The following BCL9L variants were observed in gnomAD, a reference collection of about 807,000 sequenced individuals.
The protein encoded by BCL9L is B-cell CLL/lymphoma 9-like protein.
A neutral mutation model predicts 99.4 loss-of-function variants in BCL9L; 19 were observed. That is an observed-to-expected ratio of 0.19 (90% CI 0.13 to 0.28). The LOEUF is 0.28. BCL9L is among the 10% of genes least tolerant of loss of function. BCL9L has a pLI of 1.00. For missense variants in BCL9L, 2,023 were observed against 2,101.6 expected (o/e 0.96, Z 0.73); for synonymous variants, 900 against 854.8 (o/e 1.05, Z -0.92).
chr11:118,899,810 C>T (rs1296065611), intron 9 of BCL9L, 107 bp downstream of exon 9: 1 of 1,433,452 alleles, frequency 7.0e-7, no homozygotes, highest in South Asian at 1.4e-5. Flanking sequence ...CACCCCCACA[C>T]CCAGGGCCTT....
Position 118,898,373 on chromosome 11 carries a change from G to T in BCL9L, c.*42C>A. 1.3e-6 allele frequency: 2 copies of T among 1,528,574 alleles called. No homozygotes were observed. The highest frequency in any genetic ancestry group is 1.8e-6 in the Non-Finnish European group (2 of 1,129,042). 94.7% of individuals were successfully genotyped at this position (1,528,574 alleles called of 1,614,324 possible). On this transcript the variant is annotated 3_prime_UTR_variant, in exon 10 of 10. Coordinates refer to ENST00000683865, the MANE Select transcript of BCL9L (RefSeq NM_001378213.1). ...GGGGAAGAACTTTGTTAAGGTTATC[G>T]TATTTGCAACATTGCCCCGGCTCCA...
In BCL9L at chr11:118,900,809, G is replaced by A. The variant is rs2137686780; in HGVS notation, c.2934C>T (p.Val978=). 1.9e-6 allele frequency: 3 copies of A among 1,613,932 alleles called. No individual in the cohort carries two copies. The East Asian group carries it at 6.7e-5, about 36-fold the overall frequency. Residue 978 remains valine (V), a synonymous_variant, in exon 8 of 10, where the codon GTC becomes GTT. Coordinates refer to ENST00000683865, the MANE Select transcript of BCL9L (RefSeq NM_001378213.1). The surrounding 1 kb of genome is among the most constrained non-coding windows in gnomAD (Gnocchi z 5.3). ...NPPGPLKSPQ[V]LGSSLSVRSP... The stretch of plus-strand genomic sequence containing the variant: ...AACGGACACTGAGGGAGGAGCCGAG[G>A]ACCTGGGGCGACTTGAGAGGTCCTG...
Position 118,902,429 on chromosome 11 carries a change from C to G in BCL9L, c.1314G>C (p.Ala438=), listed in dbSNP as rs372114071. The change falls in exon 8 of 10, where the codon GCG becomes GCC. Residue 438 remains alanine, a synonymous_variant. Coordinates refer to ENST00000683865, the MANE Select transcript of BCL9L (RefSeq NM_001378213.1). The surrounding 1 kb of genome is among the most constrained non-coding windows in gnomAD (Gnocchi z 7.8). ...CTTGTGCTGGTGGGCCCCCCTCACC[C>G]GCTCCTCCTGGGGGCCCCTTGAGGA... ...EPFLKGPPGG[A]GEGGPPAQAP... is the part of the protein sequence containing the mutation. 6.3e-7 allele frequency: 1 copy of G among 1,589,648 alleles called. No individual in the cohort carries two copies. The highest frequency in any genetic ancestry group is 8.6e-7 in the Non-Finnish European group (1 of 1,168,968).
intron 2 of BCL9L, among the ~76,000 whole-genome samples, chr11:118,918,034 G>A (rs1941018983): frequency 1.3e-5 from 2 of 152,300 alleles, no homozygotes; most frequent in South Asian, 4.1e-4. Flanking sequence ...TAGAGAGCAG[G>A]ACCACTTCCT....
Position 118,902,138 on chromosome 11 carries a change from C to T in BCL9L, c.1605G>A (p.Glu535=). 3 of 1,614,146 alleles carry T rather than the reference C, an allele frequency of 1.9e-6. No homozygotes were observed. The highest frequency in any genetic ancestry group is 2.5e-6 in the Non-Finnish European group (3 of 1,180,026). Residue 535 remains glutamate (E), a synonymous_variant, in exon 8 of 10, where the codon GAG becomes GAA. Coordinates refer to ENST00000683865, the MANE Select transcript of BCL9L (RefSeq NM_001378213.1). The surrounding 1 kb of genome is among the most constrained non-coding windows in gnomAD (Gnocchi z 7.8). ...GGCTCCCATGCAGCCCAATCTGTTC[C>T]TCTTTCCGCCGTTTCTCTTCGTAGT... ...EEYYEEKRRK[E]EQIGLHGSRP... is the part of the protein sequence containing the mutation.
At chr11:118,916,400 A>G (rs1189849949) in intron 2 of BCL9L, among the ~76,000 whole-genome samples, 1 of 151,288 alleles carries the variant, frequency 6.6e-6, no homozygotes, top group African/African-American at 2.4e-5. Flanking sequence ...CCTGCCGCCC[A>G]CTCCTGGGCT....
chr11:118,916,042 G>A (rs1222690000), intron 2 of BCL9L, among the ~76,000 whole-genome samples: 1 of 152,180 alleles, frequency 6.6e-6, no homozygotes, highest in Non-Finnish European at 1.5e-5. Context: ...GCCCCAGCCC[G>A]ATCCCAAAAA....
chr11:118,918,134 G>A (rs1344888297), intron 2 of BCL9L, among the ~76,000 whole-genome samples: 2 of 152,234 alleles, frequency 1.3e-5, no homozygotes, highest in African/African-American at 4.8e-5. Flanking sequence ...TGGTCTAGGA[G>A]AAGTGCCTCC....
At chr11:118,910,900 G>A (rs964421145) in intron 2 of BCL9L, 1 of 213,150 alleles carries the variant, frequency 4.7e-6, no homozygotes, top group Non-Finnish European at 9.8e-6. Flanking sequence ...GACAAGACAC[G>A]CACGGAGCCC....
In BCL9L at chr11:118,901,689, T is replaced by C; in HGVS notation, c.2054A>G (p.Glu685Gly). 1 of 1,613,730 alleles carries C rather than the reference T, an allele frequency of 6.2e-7. No individual in the cohort carries two copies. The highest frequency in any genetic ancestry group is 1.1e-5 in the South Asian group (1 of 91,072). ...GCGCTGCATGCCCATCGACCGCTTC[T>C]CCAGCAGCTGGTGCCGCAGCAGCTC... ...REELLRHQLL[E>G]KRSMGMQRPL... Residue 685 changes from glutamate (E) to glycine (G), a missense_variant, in exon 8 of 10, where the codon GAG (glutamate) becomes GGG (glycine). Coordinates refer to ENST00000683865, the MANE Select transcript of BCL9L (RefSeq NM_001378213.1). This position sits in a 1 kb window ranked among gnomAD's most constrained non-coding sequence, Gnocchi z 6.6.
intron 1 of BCL9L, among the ~76,000 whole-genome samples, chr11:118,923,115 C>T (rs555820500): frequency 6.6e-6 from 1 of 152,246 alleles, no homozygotes; most frequent in East Asian, 1.9e-4. Context: ...TGGCTCCCTC[C>T]ACTCCTGCCC....
intron 1 of BCL9L, among the ~76,000 whole-genome samples, chr11:118,920,828 A>T (rs1395225940): frequency 6.6e-6 from 1 of 152,166 alleles, no homozygotes; most frequent in Non-Finnish European, 1.5e-5. Flanking sequence ...GAACTGCCAG[A>T]AGCCTTGGCC....
chr11:118,923,296 C>G (rs974165906), intron 1 of BCL9L, among the ~76,000 whole-genome samples: 1 of 152,304 alleles, frequency 6.6e-6, no homozygotes, highest in East Asian at 1.9e-4. Flanking sequence ...GACACTGCCA[C>G]CCCCTAGGCC....
chr11:118,923,233 G>A (rs973589671), intron 1 of BCL9L, among the ~76,000 whole-genome samples: 4 of 152,080 alleles, frequency 2.6e-5, no homozygotes, highest in Non-Finnish European at 5.9e-5. Flanking sequence ...CCCTTTGCTC[G>A]GCATCTCCTT....
At position 118,908,322 on chromosome 11, in the gene BCL9L, G is replaced by C; in HGVS notation, c.360C>G (p.Asp120Glu). The C allele has an allele frequency of 6.3e-7, 1 of 1,599,796 alleles. No individual in the cohort carries two copies. Among genetic ancestry groups the C allele is most frequent in the Non-Finnish European group, 8.5e-7 (1 of 1,171,208 alleles). The change falls in exon 4 of 10, where the codon GAC becomes GAG. Residue 120 changes from aspartate to glutamate, a missense_variant. This residue lies in a region of BCL9L where 1,116 missense variants were observed against 1,194.6 expected (regional missense o/e 0.93). Coordinates refer to ENST00000683865, the MANE Select transcript of BCL9L (RefSeq NM_001378213.1). ...KVKRDRSVSVDSGEQREAGTP... is the reference protein window; with the variant it reads ...KVKRDRSVSVESGEQREAGTP... ...TCCCAGCCTCTCGCTGCTCTCCAGA[G>C]TCCACAGACACACTCCGGTCCCTCT...
chr11:118,910,716 T>C (rs1940753178), intron 2 of BCL9L: 1 of 154,248 alleles, frequency 6.5e-6, no homozygotes, highest in Non-Finnish European at 1.5e-5. Context: ...GACTGCAGCG[T>C]GCTTCTCCAG....
chr11:118,916,011 A>G (rs1940952841), intron 2 of BCL9L, among the ~76,000 whole-genome samples: 1 of 152,158 alleles, frequency 6.6e-6, no homozygotes, highest in Non-Finnish European at 1.5e-5. Context: ...TCACATTGGA[A>G]CATCTGAAAC....
At chr11:118,917,593 A>C (rs761205076) in intron 2 of BCL9L, among the ~76,000 whole-genome samples, 7 of 152,096 alleles carry the variant, frequency 4.6e-5, no homozygotes, top group Non-Finnish European at 8.8e-5. Context: ...ATGACGAAAG[A>C]AAGCATGGGT....
At chr11:118,899,711 C>T (rs992293877) in intron 9 of BCL9L, among the ~76,000 whole-genome samples, 4 of 152,182 alleles carry the variant, frequency 2.6e-5, no homozygotes, top group African/African-American at 9.7e-5. Flanking sequence ...TCGCCAGACA[C>T]ACCACCAGGT....
Sources: gnomAD v4.1 joint callset for allele counts (sites outside exome capture counted in the v4.1 genomes callset) on GRCh38, gnomAD v4.1.1 for gene constraint, gnomAD v4.1.1 regional missense constraint, Gnocchi (gnomAD v3.1) non-coding constraint, MANE v1.5 for transcripts, NCBI Gene and HGNC (gene_info 2026-07-23, HGNC 2026-07-21) for gene names.